Variants in MACROD2 observed in about 807,000 individuals in gnomAD.
MACROD2 encodes the protein ADP-ribose glycohydrolase MACROD2.
In MACROD2, 36 loss-of-function variants were observed where a neutral mutation model predicts 70.4. The observed-to-expected ratio is 0.51, with a 90% CI of 0.39 to 0.68. The LOEUF (loss-of-function observed/expected upper bound fraction) is 0.68. Among genes scored for constraint, MACROD2 ranks in the 30% least tolerant of loss-of-function variants. The pLI is 0.00. For synonymous variants in MACROD2, 172 were observed against 178.8 expected (o/e 0.96, Z 0.30); for missense variants, 496 against 538.4 (o/e 0.92, Z 0.78).
intron 3 of MACROD2, among the ~76,000 whole-genome samples, chr20:14,170,749 G>A (rs187687648): frequency 1.1e-3 from 175 of 152,278 alleles, no homozygotes; most frequent in African/African-American, 4.1e-3. Context: ...TGGTTAGCTA[G>A]TATTTCGTTG....
rs1350328251 is a variant in MACROD2 at position 14,082,836 on chromosome 20, T to C, written c.164-2785T>C. The stretch of plus-strand genomic sequence containing the variant: ...TCTGACAAAGCCACCAAATGTTTAT[T>C]GTCATTTAACAATCGTTAATGGAGA... On this transcript the variant is annotated intron_variant, in intron 2 of 17. Transcript: ENST00000684519. 2.6e-5 allele frequency among the ~76,000 whole-genome samples: 4 copies of C among 152,156 alleles called. No homozygotes were observed. In the East Asian group the frequency reaches 5.8e-4, roughly 22 times the overall value.
chr20:14,215,167 TATATATTTTCCATC>T (rs1331962838), intron 3 of MACROD2, among the ~76,000 whole-genome samples: 2 of 150,732 alleles, frequency 1.3e-5, no homozygotes, highest in Non-Finnish European at 3.0e-5. Flanking sequence ...TTCCATCATA[TATATATTTTCCATC>T]ATATATATTC....
At chr20:15,070,925 C>G in intron 5 of MACROD2, among the ~76,000 whole-genome samples, 1 of 109,626 alleles carries the variant, frequency 9.1e-6, no homozygotes, top group Non-Finnish European at 2.4e-5. Flanking sequence ...AAAAAAAAAA[C>G]CCAAAAAAGT....
chr20:14,716,398 A>C (rs1196580215), intron 5 of MACROD2, among the ~76,000 whole-genome samples: 1 of 152,178 alleles, frequency 6.6e-6, no homozygotes, highest in Non-Finnish European at 1.5e-5. Flanking sequence ...CAGGGGAGTG[A>C]GCAGGCTTCA....
At chr20:15,594,348 C>G (rs892237465) in intron 8 of MACROD2, among the ~76,000 whole-genome samples, 4 of 152,216 alleles carry the variant, frequency 2.6e-5, no homozygotes, top group African/African-American at 9.6e-5. Flanking sequence ...TGGAATCTGA[C>G]TTAGCCATTA....
intron 5 of MACROD2, among the ~76,000 whole-genome samples, chr20:15,064,279 T>C (rs16995276): frequency 0.023 from 3,525 of 152,212 alleles, 160 homozygotes; most frequent in African/African-American, 0.081. Context: ...TCTTTGGAGA[T>C]GATTTTAGAG....
chr20:15,632,375 AT>A (rs1437039092), intron 8 of MACROD2, among the ~76,000 whole-genome samples: 1 of 152,226 alleles, frequency 6.6e-6, no homozygotes, highest in Non-Finnish European at 1.5e-5. Context: ...AATGTAAAAT[AT>A]ATACCTACCC....
intron 7 of MACROD2, among the ~76,000 whole-genome samples, chr20:15,467,165 C>T (rs538547177): frequency 6.6e-6 from 1 of 152,324 alleles, no homozygotes; most frequent in South Asian, 2.1e-4. Flanking sequence ...AATTGACATC[C>T]ACTACATCCC....
chr20:15,801,974 A>G (rs2063730606), intron 8 of MACROD2, among the ~76,000 whole-genome samples: 2 of 152,166 alleles, frequency 1.3e-5, no homozygotes, highest in South Asian at 4.1e-4. Flanking sequence ...TTATAAATTG[A>G]ATTGCTTTCT....
At chr20:14,066,693 G>A (rs2053761845) in intron 2 of MACROD2, among the ~76,000 whole-genome samples, 1 of 151,564 alleles carries the variant, frequency 6.6e-6, no homozygotes, top group African/African-American at 2.4e-5. Flanking sequence ...TTGTGCAAAT[G>A]TTCATTGCAG....
chr20:15,724,676 T>G (rs904421329), intron 8 of MACROD2, among the ~76,000 whole-genome samples: 1 of 152,222 alleles, frequency 6.6e-6, no homozygotes, highest in Non-Finnish European at 1.5e-5. Flanking sequence ...CATACTGTCT[T>G]GATTACTGTA....
rs140880130 is a variant in MACROD2 at position 15,634,118 on chromosome 20, T to C, written c.645+134271T>C. Among the ~76,000 whole-genome samples the C allele has an allele frequency of 1.9e-3, 296 of 152,332 alleles. 3 individuals carry two copies. The highest frequency in any genetic ancestry group is 6.7e-3 in the African/African-American group (280 of 41,596). ...ATCAAAGAGCAGAGAAAACAAACGA[T>C]GAGCATACAGGTAAAATGACATTCA... On this transcript the variant is annotated intron_variant, in intron 8 of 17. Transcript: ENST00000684519.
intron 3 of MACROD2, among the ~76,000 whole-genome samples, chr20:14,385,596 T>C (rs981844924): frequency 6.6e-6 from 1 of 152,192 alleles, no homozygotes; most frequent in African/African-American, 2.4e-5. Flanking sequence ...CTTAACTGAT[T>C]TTAATGGACT....
intron 15 of MACROD2, among the ~76,000 whole-genome samples, chr20:16,016,624 C>T (rs2066932606): frequency 6.6e-6 from 1 of 152,166 alleles, no homozygotes; most frequent in Admixed American, 6.5e-5. Context: ...CAACCTCTGC[C>T]TCCCGGGTTC....
chr20:16,025,615 T>TGGCGGGCTGGGGGAC (rs2067067844), intron 15 of MACROD2, among the ~76,000 whole-genome samples: 3 of 151,524 alleles, frequency 2.0e-5, no homozygotes, highest in Admixed American at 1.3e-4. Context: ...CGCCTGGGGA[T>TGGCGGGCTGGGGGAC]GGCGGGTTGG....
intron 3 of MACROD2, among the ~76,000 whole-genome samples, chr20:14,230,654 T>TAA (rs1555940650): frequency 1.3e-5 from 1 of 74,240 alleles, no homozygotes; most frequent in Non-Finnish European, 2.3e-5. Flanking sequence ...TATATATATA[T>TAA]AACACAGGCT....
chr20:15,143,642 G>T (rs1329555852), intron 5 of MACROD2, among the ~76,000 whole-genome samples: 1 of 151,936 alleles, frequency 6.6e-6, no homozygotes, highest in Non-Finnish European at 1.5e-5. Flanking sequence ...TGCTCTCCAA[G>T]GCTATGAAAA....
chr20:14,257,302 G>GA (rs996179622), intron 3 of MACROD2, among the ~76,000 whole-genome samples: 29 of 151,928 alleles, frequency 1.9e-4, no homozygotes, highest in Non-Finnish European at 4.4e-5. Context: ...TCTTCCTGAG[G>GA]AAAAAACCAT....
At chr20:14,964,720 TA>T (rs2074616653) in intron 5 of MACROD2, among the ~76,000 whole-genome samples, 1 of 152,176 alleles carries the variant, frequency 6.6e-6, no homozygotes, top group African/African-American at 2.4e-5. Flanking sequence ...ATTGAGTTCA[TA>T]TTGTTTTTAA....
Sources: allele counts gnomAD v4.1 joint callset (sites outside exome capture counted in the v4.1 genomes callset), GRCh38; gene constraint gnomAD v4.1.1; transcripts MANE v1.5; gene names NCBI Gene and HGNC (gene_info 2026-07-23, HGNC 2026-07-21).